Variants in PYGB observed in about 807,000 individuals in gnomAD.
The protein encoded by PYGB is glycogen phosphorylase B, also known as glycogen phosphorylase, brain form.
PYGB carries 82 observed loss-of-function variants against 94.3 expected under a neutral mutation model. The ratio of observed to expected loss-of-function variants is 0.87; its 90% CI spans 0.73 to 1.04. PYGB has a LOEUF of 1.04. Among genes scored for constraint, PYGB ranks in the 50% least tolerant of loss-of-function variants. The pLI is 0.00. For missense variants in PYGB, 1,132 were observed against 1,158.2 expected (o/e 0.98, Z 0.33); for synonymous variants, 488 against 479.1 (o/e 1.02, Z -0.24).
At position 25,278,255 on chromosome 20, in the gene PYGB, C is replaced by G. The variant is rs2088331390; in HGVS notation, c.856-64C>G. The G allele has an allele frequency of 2.5e-5, 12 of 478,882 alleles. No individual in the cohort carries two copies. The South Asian group carries it at 3.5e-4, about 14-fold the overall frequency. The allele number at this position is 478,882 out of a possible 1,614,324, so 29.7% of individuals were successfully genotyped here. ...TGCACCTTTGAGCCAGGTCGCTGAC[C>G]TGGGCTTCCTGGGGGAGGAGAATGG... On this transcript the variant is annotated intron_variant, in intron 7 of 19. Coordinates refer to ENST00000216962, the MANE Select transcript of PYGB (RefSeq NM_002862.4).
At chr20:25,274,166 T>TTTGCAGG (rs1347109149) in intron 4 of PYGB, among the ~76,000 whole-genome samples, 1 of 148,556 alleles carries the variant, frequency 6.7e-6, no homozygotes, top group Middle Eastern at 3.2e-3. Flanking sequence ...CCTGCACCAA[T>TTTGCAGG]TTGCAGTCAC....
intron 18 of PYGB, 21 bp from the exon 19 acceptor site, chr20:25,295,583 G>A: frequency 6.2e-7 from 1 of 1,611,702 alleles, no homozygotes; most frequent in South Asian, 1.1e-5. Flanking sequence ...CCCTGGCCCA[G>A]CCTCCTTTCT....
At chr20:25,259,380 G>T (rs771078839) in intron 2 of PYGB, 42 bp downstream of exon 2, 4 of 1,461,088 alleles carry the variant, frequency 2.7e-6, no homozygotes, top group South Asian at 1.2e-5. Context: ...GCCCCTCGTG[G>T]TGCTTTGAGG....
intron 7 of PYGB, 35 bp from the exon 8 acceptor site, chr20:25,278,284 A>ACTGGGTCATGGG (rs775905555): frequency 4.2e-6 from 4 of 960,292 alleles, no homozygotes; most frequent in Admixed American, 5.5e-5. Flanking sequence ...AGAATGGCCC[A>ACTGGGTCATGGG]GCCTGCACCC....
chr20:25,289,252 T>G (rs537861913), intron 15 of PYGB, among the ~76,000 whole-genome samples: 1 of 152,382 alleles, frequency 6.6e-6, no homozygotes, highest in East Asian at 1.9e-4. Flanking sequence ...TCACCTGCTG[T>G]TTTTGAAGCA....
chr20:25,292,266 G>GGGAGCAGGGAGTC, intron 16 of PYGB, 140 bp from the exon 17 acceptor site: 1 of 982,606 alleles, frequency 1.0e-6, no homozygotes, highest in Middle Eastern at 3.2e-4. Context: ...GAGCGGGAGT[G>GGGAGCAGGGAGTC]GGGGCTGGAG....
At chr20:25,287,818 A>C (rs1175250747) in intron 14 of PYGB, among the ~76,000 whole-genome samples, 1 of 152,166 alleles carries the variant, frequency 6.6e-6, no homozygotes, top group Non-Finnish European at 1.5e-5. Flanking sequence ...TCATCTCTAC[A>C]AAAAATTAAA....
At chr20:25,294,795 G>A (rs753653587) in intron 18 of PYGB, 2 of 715,526 alleles carry the variant, frequency 2.8e-6, no homozygotes, top group South Asian at 1.5e-5. Context: ...CACATGGTAT[G>A]GTTTATCTAG....
chr20:25,273,342 GGGAGGTGCCTGCTGTGC>G (rs1468196694), intron 4 of PYGB, among the ~76,000 whole-genome samples: 1 of 152,130 alleles, frequency 6.6e-6, no homozygotes, highest in African/African-American at 2.4e-5. Flanking sequence ...GAGTACCATG[GGGAGGTGCCTGCTGTGC>G]GGAGGGGCCT....
In PYGB at chr20:25,274,488, C is replaced by T. The variant is rs530521988; in HGVS notation, c.529-104C>T. On this transcript the variant is annotated intron_variant, in intron 4 of 19. Transcript: ENST00000216962. ...AAGTGGCTGTAGGTAAATTTCAGTG[C>T]CAGGCACTGTGTGATCTCGACCGCA... 4.8e-6 allele frequency: 7 copies of T among 1,444,982 alleles called. No homozygotes were observed. The East Asian group carries it at 1.7e-4, about 35-fold the overall frequency. 89.5% of individuals were successfully genotyped at this position (1,444,982 alleles called of 1,614,324 possible). A position where few individuals can be genotyped will look rare whatever the true frequency, so the allele number is the denominator to read the frequency against.
At position 25,282,050 on chromosome 20, in the gene PYGB, A is replaced by C; in HGVS notation, c.1421A>C (p.Glu474Ala). ...VKQSVFKDFY[E>A]LEPEKFQNKT... ...GTTTGCAGCTTTAAGGATTTTTATG[A>C]ACTGGAGCCAGAGAAGTTCCAGAAT... Residue 474 changes from glutamate to alanine, a missense_variant, in exon 12 of 20, where the codon GAA (glutamate) becomes GCA (alanine). Transcript: ENST00000216962. The C allele has an allele frequency of 1.2e-6, 2 of 1,613,624 alleles. No homozygotes were observed. The highest frequency in any genetic ancestry group is 1.3e-5 in the African/African-American group (1 of 75,018).
In PYGB at chr20:25,282,426, T is replaced by G. The variant is rs2261794; in HGVS notation, c.1518+279T>G. Among the ~76,000 whole-genome samples the G allele has an allele frequency of 0.45, 68,721 of 151,890 alleles. 16,144 individuals carry two copies. Among genetic ancestry groups the G allele is most frequent in the East Asian group, 0.92 (4,750 of 5,176 alleles). ...CAGCCACGGGGCCACTGCAAAAGAG[T>G]CAAGAGGCAGCTGACTGCCAGCTAG... On this transcript the variant is annotated intron_variant, in intron 12 of 19. Coordinates refer to ENST00000216962, the MANE Select transcript of PYGB (RefSeq NM_002862.4).
At chr20:25,263,131 A>G (rs2123530323) in intron 2 of PYGB, among the ~76,000 whole-genome samples, 1 of 152,354 alleles carries the variant, frequency 6.6e-6, no homozygotes, top group South Asian at 2.1e-4. Flanking sequence ...AGATATCTAC[A>G]GAACTCTCCA....
At chr20:25,248,676 C>T (rs1243631026) in intron 1 of PYGB, among the ~76,000 whole-genome samples, 1 of 139,764 alleles carries the variant, frequency 7.2e-6, no homozygotes, top group African/African-American at 3.3e-5. Flanking sequence ...CCGTCCCCCG[C>T]AGATGATGCT....
intron 10 of PYGB, 136 bp downstream of exon 10, chr20:25,280,548 G>C: frequency 8.0e-7 from 1 of 1,257,084 alleles, no homozygotes; most frequent in African/African-American, 1.5e-5. Context: ...TTGGGGCTGG[G>C]GGCTGTCCCT....
intron 1 of PYGB, among the ~76,000 whole-genome samples, chr20:25,257,915 C>G (rs182547842): frequency 2.0e-5 from 3 of 152,196 alleles, no homozygotes; most frequent in African/African-American, 7.2e-5. Context: ...TAAGTTCGTT[C>G]AAATGTAGTG....
rs546048274 is a variant in PYGB at position 25,255,672 on chromosome 20, G to A, written c.244-3565G>A. Among the ~76,000 whole-genome samples the A allele has an allele frequency of 5.9e-5, 9 of 152,234 alleles. No homozygotes were observed. In the East Asian group the frequency reaches 1.2e-3, roughly 20 times the overall value. On this transcript the variant is annotated intron_variant, in intron 1 of 19. Coordinates refer to ENST00000216962, the MANE Select transcript of PYGB (RefSeq NM_002862.4). ...GCTTTCCTGGGGACAGGAGGGGACC[G>A]GTTTCAGACCAGATCTGCCTGTAGA... is the stretch of plus-strand genomic sequence containing the variant.
At chr20:25,295,528 C>T in intron 18 of PYGB, 76 bp from the exon 19 acceptor site, 2 of 1,508,460 alleles carry the variant, frequency 1.3e-6, no homozygotes, top group Non-Finnish European at 1.8e-6. Flanking sequence ...GGCCTCCTGC[C>T]CTGGGACTCT....
In PYGB at chr20:25,294,312, T is replaced by C. The variant is rs766364730; in HGVS notation, c.2312+20T>C. 3.6e-6 allele frequency: 3 copies of C among 834,712 alleles called. No homozygotes were observed. Among genetic ancestry groups the C allele is most frequent in the Non-Finnish European group, 5.5e-6 (3 of 545,898 alleles). The allele number at this position is 834,712 out of a possible 1,614,324, so 51.7% of individuals were successfully genotyped here. On this transcript the variant is annotated intron_variant, in intron 18 of 19. Transcript: ENST00000216962. ...TGACAGGTGGGACCGACTTCCCTGG[T>C]TGGGTGGCTGGGAGGGAGGGAGGGA...
Sources: allele counts gnomAD v4.1 joint callset (sites outside exome capture counted in the v4.1 genomes callset), GRCh38; gene constraint gnomAD v4.1.1; transcripts MANE v1.5; gene names NCBI Gene and HGNC (gene_info 2026-07-23, HGNC 2026-07-21).